SLFN12L: variants seen among roughly 807,000 people sequenced by gnomAD.
SLFN12L encodes the protein schlafen family member 12 like, also known as schlafen family member 12-like.
SLFN12L carries 34 observed loss-of-function variants against 34.8 expected under a neutral mutation model. The observed-to-expected ratio is 0.98, with a 90% CI of 0.74 to 1.30. The LOEUF is 1.30. Among genes scored for constraint, SLFN12L ranks in the 50% most tolerant of loss-of-function variants. The probability of loss-of-function intolerance (pLI) is 0.00; values close to 1 mark genes in which losing one functional copy is unlikely to be tolerated. For synonymous variants in SLFN12L, 259 were observed against 247.5 expected (o/e 1.05, Z -0.44); for missense variants, 703 against 696.2 (o/e 1.01, Z -0.11).
chr17:35,502,539 ACC>A (rs747004048), intron 2 of SLFN12L, among the ~76,000 whole-genome samples: 2 of 151,708 alleles, frequency 1.3e-5, no homozygotes, highest in African/African-American at 2.4e-5. Context: ...GTCCGACCAG[ACC>A]TAGGAGGAAC....
At chr17:35,476,505 GGAAGGAAGGAAGGAAA>G (rs1311290861) in intron 4 of SLFN12L, among the ~76,000 whole-genome samples, 18 of 125,296 alleles carry the variant, frequency 1.4e-4, no homozygotes, top group Non-Finnish European at 2.3e-4. Flanking sequence ...AAGGAAGGAA[GGAAGGAAGGAAGGAAA>G]GAAGGAAGGA....
At chr17:35,486,253 C>A (rs894647909) in intron 2 of SLFN12L, among the ~76,000 whole-genome samples, 4 of 152,194 alleles carry the variant, frequency 2.6e-5, no homozygotes, top group African/African-American at 7.2e-5. Flanking sequence ...ATTCTTCTTG[C>A]AGCCTCTGTA....
chr17:35,518,020 C>A (rs1253952659), intron 2 of SLFN12L, among the ~76,000 whole-genome samples: 1 of 152,140 alleles, frequency 6.6e-6, no homozygotes, highest in Non-Finnish European at 1.5e-5. Flanking sequence ...AAAGCAATTG[C>A]AACAAAAGCT....
In SLFN12L at chr17:35,505,228, GC is replaced by G. The variant is rs770165531; in HGVS notation, c.86+17050del. Among the ~76,000 whole-genome samples the G allele has an allele frequency of 3.9e-5, 6 of 152,154 alleles. No individual in the cohort carries two copies. The East Asian group carries it at 1.2e-3, about 29-fold the overall frequency. On this transcript the variant is annotated intron_variant, in intron 2 of 4. Transcript: ENST00000628453. ...AAAAGAAAAACTCATGTCGGCCCCA[GC>G]CCTGGGGCTACATGACCTGACAAAA...
chr17:35,473,431 C>A lies in SLFN12L; in HGVS notation c.*1492G>T, dbSNP rs985253907. On this transcript the variant is annotated 3_prime_UTR_variant, in exon 5 of 5. Coordinates refer to ENST00000628453, the MANE Select transcript of SLFN12L (RefSeq NM_001363830.2). ...AATCATATGGTTTTTGTCATTGTTT[C>A]TGTTTATGTGATGAATTACATTTAT... Among the ~76,000 whole-genome samples the A allele has an allele frequency of 6.6e-6, 1 of 152,110 alleles. No homozygotes were observed. The highest frequency in any genetic ancestry group is 2.4e-5 in the African/African-American group (1 of 41,418).
chr17:35,536,714 G>A (rs969801845), intron 1 of SLFN12L, among the ~76,000 whole-genome samples: 6 of 151,788 alleles, frequency 4.0e-5, no homozygotes, highest in African/African-American at 7.3e-5. Flanking sequence ...AGTCTGAGAC[G>A]GGAGGATCAC....
At chr17:35,494,227 G>T (rs1216378839) in intron 2 of SLFN12L, among the ~76,000 whole-genome samples, 2 of 120,324 alleles carry the variant, frequency 1.7e-5, no homozygotes, top group African/African-American at 3.1e-5. Flanking sequence ...GTAATATAAT[G>T]TAAAAAAAAA....
chr17:35,479,612 C>T lies in SLFN12L; in HGVS notation c.670G>A (p.Ala224Thr). ...AGTTCTGTTCTGTTAAAAAAATCAGCAGCCAAGGCTTCCATGTTACTTTCT... is the reference window on the plus strand; with the variant it reads ...AGTTCTGTTCTGTTAAAAAAATCAGTAGCCAAGGCTTCCATGTTACTTTCT... ...QEESNMEALAADFFNRTELGY... is the reference protein window; with the variant it reads ...QEESNMEALATDFFNRTELGY... Residue 224 changes from alanine (A) to threonine (T), a missense_variant, in exon 3 of 5, where the codon GCT (alanine) becomes ACT (threonine). By Grantham distance (58) the Ala-to-Thr change is moderately conservative. Transcript: ENST00000628453. The T allele has an allele frequency of 6.2e-7, 1 of 1,611,936 alleles. No homozygotes were observed. Among genetic ancestry groups the T allele is most frequent in the Non-Finnish European group, 8.5e-7 (1 of 1,179,046 alleles).
chr17:35,491,089 A>G (rs1200135103), intron 2 of SLFN12L: 1 of 778,042 alleles, frequency 1.3e-6, no homozygotes, highest in Non-Finnish European at 2.4e-6. Flanking sequence ...TTGTGAACTT[A>G]CTGCCTCCCC....
chr17:35,494,228 TA>T (rs3087170), intron 2 of SLFN12L, among the ~76,000 whole-genome samples: 21 of 149,094 alleles, frequency 1.4e-4, no homozygotes, highest in South Asian at 2.1e-4. Context: ...TAATATAATG[TA>T]AAAAAAAAAC....
At position 35,486,989 on chromosome 17, in the gene SLFN12L, C is replaced by G. The variant is rs60471940; in HGVS notation, c.87-6794G>C. ...ACAGCACTGCTTTCACCCTTTCCCT[C>G]TTCTAGATGATAAACCAGCAGCGCA... On this transcript the variant is annotated intron_variant, in intron 2 of 4. Coordinates refer to ENST00000628453, the MANE Select transcript of SLFN12L (RefSeq NM_001363830.2). 1.6e-3 allele frequency among the ~76,000 whole-genome samples: 240 copies of G among 152,366 alleles called. 1 individual carries two copies. The highest frequency in any genetic ancestry group is 5.0e-3 in the African/African-American group (208 of 41,574).
rs1297945653 is a variant in SLFN12L, at chr17:35,466,402, C to T, written c.*8521G>A. On this transcript the variant is annotated 3_prime_UTR_variant, in exon 5 of 5. Coordinates refer to ENST00000628453, the MANE Select transcript of SLFN12L (RefSeq NM_001363830.2). ...AGAATGTCATATAGTTGGAATCATA[C>T]AGTATATAGCCTTTTCAGATGGCCT... Among the ~76,000 whole-genome samples the T allele has an allele frequency of 6.6e-6, 1 of 152,122 alleles. No individual in the cohort carries two copies. The highest frequency in any genetic ancestry group is 1.5e-5 in the Non-Finnish European group (1 of 68,014).
In SLFN12L at chr17:35,477,914, A is replaced by G. The variant is rs980624161; in HGVS notation, c.1276+161T>C. ...ATTCTACCCCTACTTAGGCACCTAA[A>G]GAAATAGAATTTGACAAATTCAATG... On this transcript the variant is annotated intron_variant, in intron 4 of 4. Coordinates refer to ENST00000628453, the MANE Select transcript of SLFN12L (RefSeq NM_001363830.2). 1.7e-4 allele frequency: 89 copies of G among 529,976 alleles called. No homozygotes were observed. In the Middle Eastern group the frequency reaches 2.0e-3, roughly 12 times the overall value. The allele number at this position is 529,976 out of a possible 1,614,324, so 32.8% of individuals were successfully genotyped here. A position where few individuals can be genotyped will look rare whatever the true frequency, so the allele number is the denominator to read the frequency against.
At chr17:35,509,786 C>T (rs1257554921) in intron 2 of SLFN12L, among the ~76,000 whole-genome samples, 1 of 152,008 alleles carries the variant, frequency 6.6e-6, no homozygotes, top group African/African-American at 2.4e-5. Flanking sequence ...CAAGCTCCGC[C>T]TCCTGGGTTC....
chr17:35,487,283 G>A (rs894206398), intron 2 of SLFN12L, among the ~76,000 whole-genome samples: 4 of 152,246 alleles, frequency 2.6e-5, no homozygotes, highest in Non-Finnish European at 5.9e-5. Flanking sequence ...ACGCACGGGC[G>A]GAAGTTTTGT....
intron 2 of SLFN12L, among the ~76,000 whole-genome samples, chr17:35,483,018 C>T (rs1914411578): frequency 1.3e-5 from 2 of 152,114 alleles, no homozygotes; most frequent in South Asian, 4.1e-4. Flanking sequence ...CTGCTGATAG[C>T]AGGAGAGGAC....
intron 1 of SLFN12L, among the ~76,000 whole-genome samples, chr17:35,530,426 GAAGGGAAGGGAAGGGAAGAAA>G (rs1567693815): frequency 4.7e-4 from 5 of 10,664 alleles, no homozygotes; most frequent in South Asian, 3.8e-3. Context: ...AGGAAGGAAG[GAAGGGAAGGGAAGGGAAGAAA>G]GAAAGAAAGA....
chr17:35,490,291 A>C, intron 2 of SLFN12L: 2 of 1,483,764 alleles, frequency 1.3e-6, no homozygotes, highest in South Asian at 2.3e-5. Context: ...AGGGCAAAGG[A>C]AGAGCTGCAC....
In SLFN12L at chr17:35,531,680, G is replaced by A. The variant is rs545379182; in HGVS notation, c.-606+5893C>T. Among the ~76,000 whole-genome samples the A allele has an allele frequency of 4.6e-5, 7 of 152,128 alleles. No individual in the cohort carries two copies. In the East Asian group the frequency reaches 1.4e-3, roughly 29 times the overall value. On this transcript the variant is annotated intron_variant, in intron 1 of 4. Transcript: ENST00000628453. The stretch of plus-strand genomic sequence containing the variant: ...TGCCCAGGCTGGAGTGCAGTGGCGC[G>A]ATCTCGGTTCACTGCAACCTCCATC...
Sources: allele counts gnomAD v4.1 joint callset (sites outside exome capture counted in the v4.1 genomes callset), GRCh38; gene constraint gnomAD v4.1.1; transcripts MANE v1.5; gene names NCBI Gene and HGNC (gene_info 2026-07-23, HGNC 2026-07-21).